NALCN: variants seen among roughly 807,000 people sequenced by gnomAD.
The protein encoded by NALCN is sodium leak channel NALCN.
In NALCN, 111 loss-of-function variants were observed where a neutral mutation model predicts 225.3. The ratio of observed to expected loss-of-function variants is 0.49; its 90% CI spans 0.42 to 0.58. The LOEUF (loss-of-function observed/expected upper bound fraction) is 0.58. Ranked by LOEUF, NALCN falls within the 20% of genes least tolerant of loss-of-function variation. The pLI is 0.00. For missense variants in NALCN, 1,378 were observed against 2,202.4 expected (o/e 0.63, Z 7.49); for synonymous variants, 764 against 769.0 (o/e 0.99, Z 0.11).
intron 15 of NALCN, among the ~76,000 whole-genome samples, chr13:101,155,150 T>C (rs2037843533): frequency 6.6e-6 from 1 of 152,208 alleles, no homozygotes; most frequent in Non-Finnish European, 1.5e-5. Context: ...ACATGAGAGT[T>C]GCAAAGATAG....
At chr13:101,252,562 T>C (rs995559045) in intron 11 of NALCN, among the ~76,000 whole-genome samples, 1 of 151,970 alleles carries the variant, frequency 6.6e-6, no homozygotes, top group Non-Finnish European at 1.5e-5. Context: ...TGGGGAGATA[T>C]GGGAGTAGGC....
chr13:101,365,253 T>C (rs542297776), intron 6 of NALCN, among the ~76,000 whole-genome samples: 5 of 152,128 alleles, frequency 3.3e-5, no homozygotes, highest in Non-Finnish European at 7.4e-5. Flanking sequence ...TGTGTCTGTA[T>C]GTACTCAGTG....
chr13:101,156,366 A>T (rs1291759026), intron 15 of NALCN, among the ~76,000 whole-genome samples: 1 of 152,096 alleles, frequency 6.6e-6, no homozygotes, highest in Non-Finnish European at 1.5e-5. Context: ...TAGGTTTCTC[A>T]TTGTTTCTAG....
intron 15 of NALCN, among the ~76,000 whole-genome samples, chr13:101,162,965 G>A (rs924281747): frequency 2.6e-5 from 4 of 151,996 alleles, no homozygotes; most frequent in Admixed American, 6.6e-5. Flanking sequence ...TCGCAGACGC[G>A]ATCTCAGCTC....
intron 14 of NALCN, among the ~76,000 whole-genome samples, chr13:101,180,157 C>T (rs1176649812): frequency 6.7e-6 from 1 of 148,954 alleles, no homozygotes; most frequent in East Asian, 1.9e-4. Context: ...AGCCATGGTC[C>T]TATCTTTTGT....
At position 101,250,848 on chromosome 13, in the gene NALCN, G is replaced by T. The variant is rs140541660; in HGVS notation, c.1266+7595C>A. On this transcript the variant is annotated intron_variant, in intron 11 of 43. Coordinates refer to ENST00000251127, the MANE Select transcript of NALCN (RefSeq NM_052867.4). Reference sequence around the variant, plus strand: ...CTAGATAACTGAAAAATCAATTAGGGTACAGATTAAACAGGCAAAATTATA... The same window carrying T: ...CTAGATAACTGAAAAATCAATTAGGTTACAGATTAAACAGGCAAAATTATA... Among the ~76,000 whole-genome samples the T allele has an allele frequency of 3.2e-3, 493 of 151,844 alleles. 1 individual carries two copies. Among genetic ancestry groups the T allele is most frequent in the African/African-American group, 0.011 (437 of 41,466 alleles).
intron 3 of NALCN, 87 bp from the exon 4 acceptor site, chr13:101,378,740 A>G (rs2046764192): frequency 2.6e-6 from 3 of 1,140,978 alleles, no homozygotes; most frequent in South Asian, 3.0e-5. Context: ...TATTATTTCA[A>G]TAAAAGCTAT....
chr13:101,244,791 A>AAG (rs2041845195), intron 11 of NALCN, among the ~76,000 whole-genome samples: 1 of 152,210 alleles, frequency 6.6e-6, no homozygotes, highest in Non-Finnish European at 1.5e-5. Flanking sequence ...TACAGGACTT[A>AAG]AATTCAGAGG....
chr13:101,268,757 C>T (rs151062555), intron 10 of NALCN, among the ~76,000 whole-genome samples: 4 of 152,230 alleles, frequency 2.6e-5, no homozygotes, highest in African/African-American at 7.2e-5. Flanking sequence ...CCAATAAAAT[C>T]ATCTGTCTTG....
At chr13:101,212,505 T>C (rs2040562538) in intron 13 of NALCN, among the ~76,000 whole-genome samples, 2 of 152,182 alleles carry the variant, frequency 1.3e-5, no homozygotes, top group African/African-American at 4.8e-5. Flanking sequence ...AAGAGGGCAG[T>C]GAGTACATTT....
At chr13:101,347,254 C>G (rs1420303005) in intron 6 of NALCN, among the ~76,000 whole-genome samples, 6 of 152,096 alleles carry the variant, frequency 3.9e-5, no homozygotes, top group African/African-American at 1.4e-4. Context: ...TAAGCTATTC[C>G]TTTAGGGTTC....
At chr13:101,187,403 T>C (rs1391100926) in intron 14 of NALCN, among the ~76,000 whole-genome samples, 1 of 152,116 alleles carries the variant, frequency 6.6e-6, no homozygotes, top group Non-Finnish European at 1.5e-5. Flanking sequence ...TTATTATTTG[T>C]TAACTAAAAA....
intron 30 of NALCN, among the ~76,000 whole-genome samples, chr13:101,086,983 A>T (rs1352897943): frequency 1.3e-5 from 2 of 152,182 alleles, no homozygotes; most frequent in Non-Finnish European, 2.9e-5. Flanking sequence ...CATAAAAAAA[A>T]TTTTGGAAAG....
At chr13:101,406,943 C>T (rs1258107538) in intron 1 of NALCN, among the ~76,000 whole-genome samples, 1 of 152,078 alleles carries the variant, frequency 6.6e-6, no homozygotes. Flanking sequence ...GTTTTAGTCT[C>T]GTAATTTCTT....
intron 7 of NALCN, among the ~76,000 whole-genome samples, chr13:101,300,351 C>CTT (rs1369852530): frequency 7.4e-6 from 1 of 134,636 alleles, no homozygotes; most frequent in South Asian, 2.6e-4. Context: ...TTTTCTTTTT[C>CTT]TTCTTTCTTT....
intron 37 of NALCN, among the ~76,000 whole-genome samples, chr13:101,070,570 T>C (rs191244720): frequency 3.8e-4 from 58 of 152,342 alleles, no homozygotes; most frequent in African/African-American, 1.4e-3. Flanking sequence ...ATGAAAACAA[T>C]GTTAATCTCC....
At chr13:101,197,193 G>A (rs1054314874) in intron 13 of NALCN, among the ~76,000 whole-genome samples, 11 of 152,022 alleles carry the variant, frequency 7.2e-5, no homozygotes, top group South Asian at 2.1e-4. Context: ...TTGAGTATAC[G>A]GTTTCGTTGT....
intron 7 of NALCN, among the ~76,000 whole-genome samples, 187 bp downstream of exon 7, chr13:101,345,079 A>G (rs934327333): frequency 3.3e-5 from 5 of 152,176 alleles, no homozygotes; most frequent in African/African-American, 1.2e-4. Flanking sequence ...ATATACATAC[A>G]CAGCTTGTAT....
At position 101,375,425 on chromosome 13, in the gene NALCN, T is replaced by G. The variant is rs2046660506; in HGVS notation, c.644+1275A>C. ...CATGATGTCTATACTCACAGAGATA[T>G]TCACTTATTTGTGGTTTATTTACTT... On this transcript the variant is annotated intron_variant, in intron 6 of 43. Transcript: ENST00000251127. Among the ~76,000 whole-genome samples the G allele has an allele frequency of 2.6e-5, 4 of 152,306 alleles. No homozygotes were observed. In the South Asian group the frequency reaches 8.3e-4, roughly 32 times the overall value.
Sources: gnomAD v4.1 joint callset for allele counts (sites outside exome capture counted in the v4.1 genomes callset) on GRCh38, gnomAD v4.1.1 for gene constraint, MANE v1.5 for transcripts, NCBI Gene and HGNC (gene_info 2026-07-23, HGNC 2026-07-21) for gene names.